Variants in NAV2 observed in about 807,000 individuals in gnomAD.
NAV2 encodes neuron navigator 2.
NAV2 carries 54 observed loss-of-function variants against 223.2 expected under a neutral mutation model. The observed-to-expected ratio is 0.24, with a 90% CI of 0.19 to 0.30. The LOEUF is 0.30. Ranked by LOEUF, NAV2 falls within the 10% of genes least tolerant of loss-of-function variation. NAV2 has a pLI of 1.00. For synonymous variants in NAV2, 1,279 were observed against 1,239.3 expected (o/e 1.03, Z -0.67); for missense variants, 2,806 against 3,147.5 (o/e 0.89, Z 2.60).
Position 19,508,728 on chromosome 11 carries a change from T to G in NAV2, c.75+157701T>G, listed in dbSNP as rs1281164384. On this transcript the variant is annotated intron_variant, in intron 1 of 37. Transcript: ENST00000360655. ...GATTATGAGTATAATGATTTAAGAT[T>G]TATCTCTCTCAATAAATGTTTTATT... 2.0e-5 allele frequency among the ~76,000 whole-genome samples: 3 copies of G among 152,322 alleles called. No homozygotes were observed. In the East Asian group the frequency reaches 5.8e-4, roughly 29 times the overall value.
intron 10 of NAV2, among the ~76,000 whole-genome samples, chr11:19,973,287 C>T (rs962015004): frequency 3.2e-4 from 49 of 152,206 alleles, no homozygotes; most frequent in Admixed American, 6.5e-5. Context: ...AGTCATCTTC[C>T]AAAGGGAACA....
chr11:20,053,589 T>G (rs2153607919), intron 17 of NAV2, among the ~76,000 whole-genome samples: 1 of 152,372 alleles, frequency 6.6e-6, no homozygotes, highest in Admixed American at 6.5e-5. Flanking sequence ...TTACAGCAAC[T>G]ACTATAAGCA....
At chr11:19,379,447 C>T (rs921525721) in intron 1 of NAV2, among the ~76,000 whole-genome samples, 1 of 152,220 alleles carries the variant, frequency 6.6e-6, no homozygotes, top group Admixed American at 6.5e-5. Flanking sequence ...AAGACATTCA[C>T]ATCTGTACAT....
At chr11:19,494,220 G>A (rs2042722837) in intron 1 of NAV2, among the ~76,000 whole-genome samples, 1 of 152,202 alleles carries the variant, frequency 6.6e-6, no homozygotes, top group Non-Finnish European at 1.5e-5. Context: ...AGGTCACTGT[G>A]GGTGGAGAAA....
intron 1 of NAV2, among the ~76,000 whole-genome samples, chr11:19,526,071 C>T (rs2043834660): frequency 6.6e-6 from 1 of 152,142 alleles, no homozygotes; most frequent in African/African-American, 2.4e-5. Flanking sequence ...CAGCATCATG[C>T]TGAGAGGTCC....
chr11:20,030,429 A>G (rs560901829), intron 11 of NAV2, among the ~76,000 whole-genome samples: 2 of 152,310 alleles, frequency 1.3e-5, no homozygotes, highest in East Asian at 1.9e-4. Flanking sequence ...TCCGTTTTTT[A>G]TCTAGATTTT....
chr11:19,914,073 G>A (rs1356232034), intron 6 of NAV2, among the ~76,000 whole-genome samples: 1 of 152,186 alleles, frequency 6.6e-6, no homozygotes, highest in Non-Finnish European at 1.5e-5. Context: ...TTGATGTCAT[G>A]CTGGTAGCTA....
chr11:19,979,695 G>C (rs1289323161), intron 10 of NAV2, among the ~76,000 whole-genome samples: 1 of 152,206 alleles, frequency 6.6e-6, no homozygotes, highest in African/African-American at 2.4e-5. Flanking sequence ...CTTCACCAGA[G>C]CAGGAACTAG....
intron 34 of NAV2, 82 bp downstream of exon 34, chr11:20,103,806 G>A: frequency 8.3e-7 from 1 of 1,210,370 alleles, no homozygotes; most frequent in Non-Finnish European, 1.2e-6. Context: ...AGATGCCTGT[G>A]TTGAGTATGT....
intron 6 of NAV2, among the ~76,000 whole-genome samples, chr11:19,917,419 C>T (rs1368176791): frequency 2.6e-5 from 4 of 152,174 alleles, no homozygotes; most frequent in Admixed American, 6.5e-5. Flanking sequence ...TTCTGTAAGG[C>T]AGTTGCTGTT....
At chr11:20,056,439 T>G in intron 19 of NAV2, 1 of 875,632 alleles carries the variant, frequency 1.1e-6, no homozygotes, top group Non-Finnish European at 1.9e-6. Context: ...GGTTTTTAAG[T>G]GTATTGTTTT....
At chr11:19,741,176 CTG>C (rs1212656837) in intron 1 of NAV2, among the ~76,000 whole-genome samples, 1 of 152,170 alleles carries the variant, frequency 6.6e-6, no homozygotes, top group Non-Finnish European at 1.5e-5. Context: ...GATGTACAAT[CTG>C]TTTTCATATA....
At chr11:19,558,859 G>A (rs527242248) in intron 1 of NAV2, among the ~76,000 whole-genome samples, 1 of 152,260 alleles carries the variant, frequency 6.6e-6, no homozygotes, top group African/African-American at 2.4e-5. Flanking sequence ...CCACACAGGT[G>A]CCATACAGGG....
chr11:19,541,199 A>G (rs572670606), intron 1 of NAV2, among the ~76,000 whole-genome samples: 5 of 152,382 alleles, frequency 3.3e-5, no homozygotes, highest in Admixed American at 1.3e-4. Flanking sequence ...AAGTGGAGGC[A>G]GATGAGTTGA....
chr11:19,841,401 C>G (rs1184593771), intron 2 of NAV2, among the ~76,000 whole-genome samples: 1 of 152,094 alleles, frequency 6.6e-6, no homozygotes, highest in Admixed American at 6.5e-5. Flanking sequence ...TTATCTTTTT[C>G]AGACAGTTTC....
intron 1 of NAV2, among the ~76,000 whole-genome samples, chr11:19,557,529 G>C (rs1251333016): frequency 1.3e-5 from 2 of 152,218 alleles, no homozygotes; most frequent in African/African-American, 4.8e-5. Flanking sequence ...TCTAGGCTCT[G>C]AATGAGAAAA....
intron 1 of NAV2, among the ~76,000 whole-genome samples, chr11:19,589,361 A>T (rs1430465650): frequency 1.3e-5 from 2 of 152,236 alleles, no homozygotes; most frequent in African/African-American, 4.8e-5. Flanking sequence ...TTTTTAATCA[A>T]GGAAATAAAT....
intron 1 of NAV2, among the ~76,000 whole-genome samples, chr11:19,577,434 G>A (rs2045600750): frequency 6.6e-6 from 1 of 152,252 alleles, no homozygotes; most frequent in African/African-American, 2.4e-5. Flanking sequence ...TCTGCCACGA[G>A]GGCGCAGCCA....
chr11:19,397,418 T>TGTGTGTGTGTGTGTGTGTGTGTGTGTGC (rs57566081), intron 1 of NAV2, among the ~76,000 whole-genome samples: 8 of 145,264 alleles, frequency 5.5e-5, no homozygotes, highest in Non-Finnish European at 1.0e-4. Context: ...TGTGTGTGTG[T>TGTGTGTGTGTGTGTGTGTGTGTGTGTGC]GCGCGCATGT....
Sources: gnomAD v4.1 joint callset for allele counts (sites outside exome capture counted in the v4.1 genomes callset) on GRCh38, gnomAD v4.1.1 for gene constraint, MANE v1.5 for transcripts, NCBI Gene and HGNC (gene_info 2026-07-23, HGNC 2026-07-21) for gene names.